Variants in DGKK observed in about 807,000 individuals in gnomAD.
The protein encoded by DGKK is 142 kDa diacylglycerol kinase.
DGKK carries 35 observed loss-of-function variants against 92.2 expected under a neutral mutation model. That is an observed-to-expected ratio of 0.38 (90% CI 0.29 to 0.50). The LOEUF (loss-of-function observed/expected upper bound fraction) is 0.50. Ranked by LOEUF, DGKK falls within the 20% of genes least tolerant of loss-of-function variation. The pLI, the probability that DGKK is intolerant of heterozygous loss-of-function variation, is 0.92. For synonymous variants in DGKK, 368 were observed against 360.6 expected, an observed-to-expected ratio of 1.02 and a Z score of -0.23; for missense variants, 910 against 992.2, an observed-to-expected ratio of 0.92 and a Z score of 1.11.
chrX:50,384,975 G>A (rs1924510669), intron 15 of DGKK, among the ~76,000 whole-genome samples, 151 bp from the exon 16 acceptor site: 1 of 112,007 alleles, frequency 8.9e-6, no homozygotes, highest in Non-Finnish European at 1.9e-5. Context: ...GTGGGTAGAT[G>A]ATGGAGACTC....
intron 18 of DGKK, among the ~76,000 whole-genome samples, chrX:50,380,589 G>T (rs1336628340): frequency 1.8e-5 from 2 of 111,571 alleles, no homozygotes; most frequent in African/African-American, 6.5e-5. Flanking sequence ...CCATGGAACA[G>T]ATCTAAGCTT....
At chrX:50,375,645 C>T (rs1335721410) in intron 24 of DGKK, among the ~76,000 whole-genome samples, 2 of 111,841 alleles carry the variant, frequency 1.8e-5, no homozygotes, top group African/African-American at 3.2e-5. Context: ...AGAGGAAAAC[C>T]GAGGCACCCG....
intron 4 of DGKK, among the ~76,000 whole-genome samples, chrX:50,416,201 A>C (rs900030939): frequency 7.1e-5 from 8 of 111,940 alleles, no homozygotes; most frequent in Non-Finnish European, 1.3e-4. Flanking sequence ...AGCCTCCAGA[A>C]GTGTCAGAAA....
chrX:50,396,676 A>C (rs1389148158), intron 8 of DGKK, among the ~76,000 whole-genome samples: 2 of 111,091 alleles, frequency 1.8e-5, no homozygotes, highest in Non-Finnish European at 3.8e-5. Context: ...CTACAGGGGC[A>C]GCTCCATCTA....
At chrX:50,447,222 A>G (rs1926332348) in intron 1 of DGKK, among the ~76,000 whole-genome samples, 1 of 90,246 alleles carries the variant, frequency 1.1e-5, no homozygotes, top group Admixed American at 1.3e-4. Context: ...ATTTATATAA[A>G]TCTGTCTTGA....
intron 1 of DGKK, among the ~76,000 whole-genome samples, chrX:50,441,440 G>A (rs781920897): frequency 2.7e-5 from 3 of 111,591 alleles, no homozygotes; most frequent in East Asian, 5.7e-4. Context: ...TGGAATGAGC[G>A]AATAGTAGAA....
intron 1 of DGKK, among the ~76,000 whole-genome samples, chrX:50,449,904 T>C (rs1557232343): frequency 8.9e-6 from 1 of 112,048 alleles, no homozygotes; most frequent in Non-Finnish European, 1.9e-5. Flanking sequence ...TTCTAAATCA[T>C]AGAAAATGTG....
chrX:50,407,204 C>A (rs1557227366), intron 4 of DGKK, among the ~76,000 whole-genome samples: 1 of 111,822 alleles, frequency 8.9e-6, no homozygotes, highest in Non-Finnish European at 1.9e-5. Flanking sequence ...ATAAGAGGTG[C>A]ATCTTGGTTT....
chrX:50,415,060 T>C (rs1925398586), intron 4 of DGKK, among the ~76,000 whole-genome samples: 1 of 111,400 alleles, frequency 9.0e-6, no homozygotes, highest in Admixed American at 9.5e-5. Flanking sequence ...TTTCAAAGGG[T>C]GGAAACCAAT....
chrX:50,441,213 C>T (rs1250423788), intron 1 of DGKK, among the ~76,000 whole-genome samples: 1 of 111,633 alleles, frequency 9.0e-6, no homozygotes, highest in African/African-American at 3.2e-5. Flanking sequence ...AGGGGACAGT[C>T]TCTCTTACCT....
chrX:50,463,765 A>T (rs2147153791), intron 1 of DGKK, among the ~76,000 whole-genome samples: 1 of 110,705 alleles, frequency 9.0e-6, no homozygotes, highest in Non-Finnish European at 1.9e-5. Context: ...TTTAAAATAT[A>T]CTGTTCATGT....
At chrX:50,391,079 C>T (rs182250509) in intron 11 of DGKK, among the ~76,000 whole-genome samples, 9 of 111,296 alleles carry the variant, frequency 8.1e-5, no homozygotes, top group African/African-American at 2.9e-4. Context: ...GCTCTAGAAT[C>T]GTCTAGTTTT....
intron 1 of DGKK, among the ~76,000 whole-genome samples, chrX:50,450,542 C>T (rs1383033629): frequency 5.4e-5 from 6 of 112,074 alleles, no homozygotes; most frequent in Non-Finnish European, 1.1e-4. Context: ...AGTGCTGTCT[C>T]TTCACAACCA....
At chrX:50,447,344 TATATATATATATA>T (rs1313278563) in intron 1 of DGKK, among the ~76,000 whole-genome samples, 6 of 10,472 alleles carry the variant, frequency 5.7e-4, no homozygotes, top group Admixed American at 2.1e-3. Flanking sequence ...ATATATATAT[TATATATATATATA>T]ATATATATAT....
intron 1 of DGKK, among the ~76,000 whole-genome samples, chrX:50,464,593 T>A (rs1926847588): frequency 9.0e-6 from 1 of 110,789 alleles, no homozygotes; most frequent in Non-Finnish European, 1.9e-5. Flanking sequence ...TTTTTTTTAA[T>A]TGAAGGGGTG....
intron 22 of DGKK, 62 bp downstream of exon 22, chrX:50,378,036 C>T: frequency 8.9e-7 from 1 of 1,123,187 alleles, no homozygotes; most frequent in African/African-American, 1.8e-5. Context: ...TGGAAATATT[C>T]AGTACTCAAG....
chrX:50,397,626 C>G (rs1271404535), intron 8 of DGKK, among the ~76,000 whole-genome samples: 1 of 112,182 alleles, frequency 8.9e-6, no homozygotes, highest in Non-Finnish European at 1.9e-5. Flanking sequence ...TTTTAACAAG[C>G]CTTTCAGATG....
intron 1 of DGKK, among the ~76,000 whole-genome samples, chrX:50,453,207 G>C (rs938879588): frequency 2.7e-5 from 3 of 111,164 alleles, no homozygotes; most frequent in African/African-American, 9.8e-5. Flanking sequence ...TGAAAACCTT[G>C]TATTAATTAT....
At chrX:50,430,092 A>T (rs1321718687) in intron 1 of DGKK, among the ~76,000 whole-genome samples, 2 of 112,427 alleles carry the variant, frequency 1.8e-5, no homozygotes, top group Non-Finnish European at 3.8e-5. Context: ...ACTTTGCAAC[A>T]TCTTGGAGTT....
Sources: allele counts gnomAD v4.1 joint callset (sites outside exome capture counted in the v4.1 genomes callset), GRCh38; gene constraint gnomAD v4.1.1; transcripts MANE v1.5; gene names NCBI Gene and HGNC (gene_info 2026-07-23, HGNC 2026-07-21).